Variants in MIOS observed in about 807,000 individuals in gnomAD.
MIOS encodes meiosis regulator for oocyte development.
MIOS carries 52 observed loss-of-function variants against 96.9 expected under a neutral mutation model. The ratio of observed to expected loss-of-function variants is 0.54; its 90% CI spans 0.43 to 0.68. MIOS has a LOEUF of 0.68. Among genes scored for constraint, MIOS ranks in the 30% least tolerant of loss-of-function variants. The probability of loss-of-function intolerance (pLI) is 0.00; values close to 1 mark genes in which losing one functional copy is unlikely to be tolerated. For missense variants in MIOS, 1,005 were observed against 1,052.8 expected (o/e 0.95, Z 0.63); for synonymous variants, 397 against 359.5 (o/e 1.10, Z -1.18).
chr7:7,567,446 C>G (rs905635926), intron 1 of MIOS, 161 bp from the exon 2 acceptor site: 2 of 151,830 alleles, frequency 1.3e-5, no homozygotes, highest in African/African-American at 4.9e-5. Context: ...CCCGTTGTAC[C>G]CTCTTAAATA....
rs765997923 is a variant in MIOS, at chr7:7,573,352, A to G, written c.877A>G (p.Ile293Val). The change falls in exon 4 of 13, where the codon ATT becomes GTT. Residue 293 changes from isoleucine to valine, a missense_variant. Transcript: ENST00000340080. The surrounding 1 kb of genome is among the most constrained non-coding windows in gnomAD (Gnocchi z 5.0). ...LATLTRDSNI[I>V]RLYDMQHTPT... ...CACTTTAACAAGGGATAGTAATATT[A>G]TTAGATTGTATGATATGCAGCATAC... is the stretch of plus-strand genomic sequence containing the variant. 1 of 1,614,124 alleles carries G rather than the reference A, an allele frequency of 6.2e-7. No homozygotes were observed. The highest frequency in any genetic ancestry group is 8.5e-7 in the Non-Finnish European group (1 of 1,179,956).
chr7:7,571,305 ATATT>A (rs1381624478), intron 3 of MIOS, among the ~76,000 whole-genome samples: 2 of 152,186 alleles, frequency 1.3e-5, no homozygotes, highest in African/African-American at 4.8e-5. Context: ...TACTGCTAGA[ATATT>A]TATTTTTTTC....
chr7:7,584,225 C>T (rs1183729543), intron 6 of MIOS, among the ~76,000 whole-genome samples: 2 of 150,044 alleles, frequency 1.3e-5, no homozygotes, highest in African/African-American at 2.5e-5. Flanking sequence ...CTCAGATTGG[C>T]ATCTTTTCCT....
intron 3 of MIOS, among the ~76,000 whole-genome samples, chr7:7,569,986 T>C (rs1268102730): frequency 2.0e-5 from 3 of 152,034 alleles, no homozygotes; most frequent in Non-Finnish European, 4.4e-5. Flanking sequence ...GTTTTGTAGG[T>C]TATACTAAGA....
intron 5 of MIOS, among the ~76,000 whole-genome samples, chr7:7,581,193 G>T (rs1164597801): frequency 6.6e-6 from 1 of 150,924 alleles, no homozygotes; most frequent in Non-Finnish European, 1.5e-5. Context: ...GTGGTGGTGT[G>T]CACCTGTTGA....
chr7:7,571,277 A>G (rs191062188), intron 3 of MIOS, among the ~76,000 whole-genome samples: 8 of 152,334 alleles, frequency 5.3e-5, no homozygotes, highest in African/African-American at 1.7e-4. Context: ...CTATAGCTAT[A>G]TTTAGTTCGT....
At chr7:7,582,992 A>G (rs372255861) in intron 5 of MIOS, 126 bp from the exon 6 acceptor site, 19 of 1,072,880 alleles carry the variant, frequency 1.8e-5, no homozygotes, top group African/African-American at 1.4e-4. Flanking sequence ...TCATATTTAC[A>G]CTATCATAAA....
chr7:7,584,632 G>A (rs1450861028), intron 6 of MIOS, among the ~76,000 whole-genome samples: 1 of 152,098 alleles, frequency 6.6e-6, no homozygotes, highest in Non-Finnish European at 1.5e-5. Context: ...TTATAGAAAT[G>A]AGGAATATAA....
At chr7:7,576,275 G>C (rs1301880731) in intron 5 of MIOS, among the ~76,000 whole-genome samples, 1 of 152,172 alleles carries the variant, frequency 6.6e-6, no homozygotes, top group African/African-American at 2.4e-5. Flanking sequence ...AGGAACTAGA[G>C]ACATAACTCT....
At chr7:7,581,131 G>A (rs193114769) in intron 5 of MIOS, among the ~76,000 whole-genome samples, 36 of 150,398 alleles carry the variant, frequency 2.4e-4, no homozygotes, top group African/African-American at 7.1e-4. Flanking sequence ...AGAACAGCCC[G>A]GCCAACATGG....
chr7:7,606,136 A>G, intron 12 of MIOS, 65 bp downstream of exon 12: 4 of 1,576,486 alleles, frequency 2.5e-6, no homozygotes, highest in Non-Finnish European at 3.5e-6. Flanking sequence ...TTGCTTCTAA[A>G]TAGTTTGGGT....
chr7:7,583,468 T>A, intron 6 of MIOS, 96 bp downstream of exon 6: 2 of 1,282,800 alleles, frequency 1.6e-6, no homozygotes, highest in Non-Finnish European at 2.1e-6. Flanking sequence ...TTCAAATATC[T>A]AATCACTTAA....
Position 7,589,474 on chromosome 7 carries a change from A to G in MIOS, c.1954A>G (p.Thr652Ala). 4 of 1,613,746 alleles carry G rather than the reference A, an allele frequency of 2.5e-6. No individual in the cohort carries two copies. Among genetic ancestry groups the G allele is most frequent in the Non-Finnish European group, 2.5e-6 (3 of 1,179,760 alleles). The change falls in exon 9 of 13, where the codon ACA becomes GCA. Residue 652 changes from threonine to alanine, a missense_variant. This residue lies in a region of MIOS where 865 missense variants were observed against 887.9 expected (regional missense o/e 0.97). Transcript: ENST00000340080. ...TGGAAATTTGGAAGGAATTTTGCTTACAGGCCTTACTAAAGATGGAGTGGA... is the reference window on the plus strand; with the variant it reads ...TGGAAATTTGGAAGGAATTTTGCTTGCAGGCCTTACTAAAGATGGAGTGGA... ...EAGNLEGILL[T>A]GLTKDGVDLM... is the part of the protein sequence containing the mutation.
intron 3 of MIOS, among the ~76,000 whole-genome samples, chr7:7,569,094 A>G (rs1269805555): frequency 6.6e-6 from 1 of 152,250 alleles, no homozygotes; most frequent in South Asian, 2.1e-4. Flanking sequence ...TTAAACATTG[A>G]TTTTTCAATG....
At chr7:7,583,942 C>T (rs540329846) in intron 6 of MIOS, among the ~76,000 whole-genome samples, 2 of 152,156 alleles carry the variant, frequency 1.3e-5, no homozygotes, top group African/African-American at 2.4e-5. Context: ...TTTACTCTGG[C>T]ATTTTGCCAG....
intron 10 of MIOS, among the ~76,000 whole-genome samples, chr7:7,595,383 C>G (rs1454669257): frequency 1.3e-5 from 2 of 152,084 alleles, no homozygotes; most frequent in East Asian, 3.8e-4. Flanking sequence ...TATTTCCAGC[C>G]CTTTCAGATT....
chr7:7,601,717 T>C lies in MIOS; in HGVS notation c.2402-4225T>C, dbSNP rs186804628. Among the ~76,000 whole-genome samples the C allele has an allele frequency of 1.7e-3, 259 of 152,324 alleles. 3 individuals are homozygous for C. Among genetic ancestry groups the C allele is most frequent in the African/African-American group, 5.9e-3 (246 of 41,564 alleles). The stretch of plus-strand genomic sequence containing the variant: ...AAAAGAGGGAATCCTCCCCAACTCA[T>C]TTTATGAGGCCAGCATCATCCTGAT... On this transcript the variant is annotated intron_variant, in intron 11 of 12. Transcript: ENST00000340080.
At chr7:7,570,273 G>A (rs1783307238) in intron 3 of MIOS, among the ~76,000 whole-genome samples, 1 of 152,184 alleles carries the variant, frequency 6.6e-6, no homozygotes, top group Non-Finnish European at 1.5e-5. Flanking sequence ...GTTGATCTAG[G>A]ACTGGGGAAA....
At chr7:7,601,054 A>T (rs532462873) in intron 11 of MIOS, among the ~76,000 whole-genome samples, 2 of 103,288 alleles carry the variant, frequency 1.9e-5, no homozygotes, top group South Asian at 7.9e-4. Flanking sequence ...AATCTCTGGG[A>T]CACATTCAAA....
Sources: gnomAD v4.1 joint callset for allele counts (sites outside exome capture counted in the v4.1 genomes callset) on GRCh38, gnomAD v4.1.1 for gene constraint, gnomAD v4.1.1 regional missense constraint, Gnocchi (gnomAD v3.1) non-coding constraint, MANE v1.5 for transcripts, NCBI Gene and HGNC (gene_info 2026-07-23, HGNC 2026-07-21) for gene names.